METTL27: variants seen among roughly 807,000 people sequenced by gnomAD.
METTL27 encodes methyltransferase like 27, also known as methyltransferase-like protein 27.
A neutral mutation model predicts 24.5 loss-of-function variants in METTL27; 29 were observed. The ratio of observed to expected loss-of-function variants is 1.18; its 90% CI spans 0.88 to 1.61. The LOEUF (loss-of-function observed/expected upper bound fraction) is 1.61. Among genes scored for constraint, METTL27 ranks in the 40% most tolerant of loss-of-function variants. The pLI, the probability that METTL27 is intolerant of heterozygous loss-of-function variation, is 0.00. For missense variants in METTL27, 341 were observed against 324.3 expected, an observed-to-expected ratio of 1.05 and a Z score of -0.40; for synonymous variants, 138 against 146.8, an observed-to-expected ratio of 0.94 and a Z score of 0.43.
intron 4 of METTL27, 104 bp downstream of exon 4, chr7:73,840,310 G>T: frequency 6.6e-7 from 1 of 1,521,692 alleles, no homozygotes; most frequent in South Asian, 1.3e-5. Context: ...GTGCAGGGTT[G>T]AGTGAGGGAC....
intron 4 of METTL27, 78 bp downstream of exon 4, chr7:73,840,336 G>A: frequency 6.5e-7 from 1 of 1,541,264 alleles, no homozygotes; most frequent in Non-Finnish European, 8.8e-7. Flanking sequence ...GCTTAGTGTG[G>A]GAGAGGGATG....
intron 5 of METTL27, among the ~76,000 whole-genome samples, chr7:73,837,316 A>T (rs9690873): frequency 1.4e-5 from 1 of 72,404 alleles, no homozygotes; most frequent in African/African-American, 4.9e-5. Flanking sequence ...TTTAAAAAAA[A>T]TAAAAAAAAA....
At chr7:73,836,895 G>C (rs1788223094) in intron 5 of METTL27, among the ~76,000 whole-genome samples, 1 of 113,904 alleles carries the variant, frequency 8.8e-6, no homozygotes, top group South Asian at 2.9e-4. Flanking sequence ...TGTCTGTGTA[G>C]AAAGAAGTAG....
At chr7:73,838,720 G>A (rs563833561) in intron 5 of METTL27, among the ~76,000 whole-genome samples, 9 of 152,280 alleles carry the variant, frequency 5.9e-5, no homozygotes, top group South Asian at 2.1e-4. Flanking sequence ...GCCCAACTTC[G>A]ACCTTTCCAG....
Position 73,842,142 on chromosome 7 carries a change from C to T in METTL27, c.-2G>A. On this transcript the variant is annotated splice_region_variant and 5_prime_UTR_variant, in exon 2 of 6. Transcript: ENST00000297873. ...GCTCCCACCCTCCTCCTGGGCCATG[C>T]TCCTGTGGGGACACCGTTGCCCTGT... is the stretch of plus-strand genomic sequence containing the variant. 6.2e-7 allele frequency: 1 copy of T among 1,608,878 alleles called. No homozygotes were observed. The highest frequency in any genetic ancestry group is 1.1e-5 in the South Asian group (1 of 90,974).
rs1788369040 is a variant in METTL27, at chr7:73,841,873, G to A, written c.123+145C>T. Reference sequence around the variant, plus strand: ...CTGCCAATCCAGAGCTGTGGGGCGGGTTCTGGAAGGGGCAGGACTGTAGGG... The same window carrying A: ...CTGCCAATCCAGAGCTGTGGGGCGGATTCTGGAAGGGGCAGGACTGTAGGG... On this transcript the variant is annotated intron_variant, in intron 2 of 5. Coordinates refer to ENST00000297873, the MANE Select transcript of METTL27 (RefSeq NM_152559.3). 7.3e-6 allele frequency: 10 copies of A among 1,365,458 alleles called. No homozygotes were observed. In the Admixed American group the frequency reaches 1.0e-4, roughly 14 times the overall value. 84.6% of individuals were successfully genotyped at this position (1,365,458 alleles called of 1,614,324 possible).
chr7:73,842,337 G>T (rs1490442411), intron 1 of METTL27, among the ~76,000 whole-genome samples, 153 bp downstream of exon 1: 12 of 152,136 alleles, frequency 7.9e-5, no homozygotes, highest in Non-Finnish European at 1.8e-4. Context: ...TGGGGCTGCA[G>T]GGCTGGGGGA....
At chr7:73,838,650 G>T (rs4304218) in intron 5 of METTL27, among the ~76,000 whole-genome samples, 4 of 151,960 alleles carry the variant, frequency 2.6e-5, no homozygotes, top group African/African-American at 9.7e-5. Flanking sequence ...GCAAGCACAG[G>T]TTGGGCTAGG....
rs1481971672 is a variant in METTL27 at position 73,842,214 on chromosome 7, C to A, written c.-4-70G>T. ...CCATCCCCTCCTTTCCCCCTTCCCT[C>A]CTCCCCCTTCAGAGGAGGCTGCCAG... is the stretch of plus-strand genomic sequence containing the variant. On this transcript the variant is annotated intron_variant, in intron 1 of 5. Transcript: ENST00000297873. The A allele has an allele frequency of 7.8e-6, 12 of 1,533,246 alleles. No individual in the cohort carries two copies. The East Asian group carries it at 2.3e-4, about 29-fold the overall frequency. 95.0% of individuals were successfully genotyped at this position (1,533,246 alleles called of 1,614,324 possible). A position where few individuals can be genotyped will look rare whatever the true frequency, so the allele number is the denominator to read the frequency against.
At chr7:73,841,229 G>T (rs372780103) in intron 2 of METTL27, 31 bp from the exon 3 acceptor site, 8 of 1,547,470 alleles carry the variant, frequency 5.2e-6, no homozygotes, top group Non-Finnish European at 6.1e-6. Flanking sequence ...CTACAACACC[G>T]GTGCCCCAGT....
At chr7:73,841,467 A>G (rs1342930672) in intron 2 of METTL27, among the ~76,000 whole-genome samples, 2 of 144,316 alleles carry the variant, frequency 1.4e-5, no homozygotes, top group African/African-American at 5.2e-5. Flanking sequence ...CTGAGTCCAC[A>G]TGACTTTTTT....
chr7:73,834,651 C>T lies in METTL27; in HGVS notation c.*92G>A. 1 of 1,194,090 alleles carries T rather than the reference C, an allele frequency of 8.4e-7. No individual in the cohort carries two copies. Among genetic ancestry groups the T allele is most frequent in the South Asian group, 1.5e-5 (1 of 68,402 alleles). The allele number at this position is 1,194,090 out of a possible 1,614,324, so 74.0% of individuals were successfully genotyped here. A position where few individuals can be genotyped will look rare whatever the true frequency, so the allele number is the denominator to read the frequency against. ...GAGGGGCAGGGTTGGTTCGGAGGTC[C>T]CATTTTACAGGGGAGGCAGAGGAGG... On this transcript the variant is annotated 3_prime_UTR_variant, in exon 6 of 6. Coordinates refer to ENST00000297873, the MANE Select transcript of METTL27 (RefSeq NM_152559.3).
Position 73,834,707 on chromosome 7 carries a change from G to T in METTL27, c.*36C>A. The T allele has an allele frequency of 1.3e-6, 2 of 1,586,412 alleles. No homozygotes were observed. Among genetic ancestry groups the T allele is most frequent in the South Asian group, 1.1e-5 (1 of 88,526 alleles). ...CAGATGGGCCCAGCTAAGGCCACAT[G>T]GAGTCAGGGGCCAGCTGGGGGCTGG... On this transcript the variant is annotated 3_prime_UTR_variant, in exon 6 of 6. Transcript: ENST00000297873.
rs141564951 is a variant in METTL27, at chr7:73,841,118, A to C, written c.204T>G (p.Ser68Arg). The C allele has an allele frequency of 3.9e-6, 6 of 1,534,576 alleles. No homozygotes were observed. Among genetic ancestry groups the C allele is most frequent in the Non-Finnish European group, 5.2e-6 (6 of 1,151,408 alleles). ...CACAGGCCACGTCCAGGATCAGGGC[A>C]CTGTGGGGCGGGCCTGGAAGGGCTT... is the stretch of plus-strand genomic sequence containing the variant. Reference protein sequence around the residue: ...LTQALPGPPHSALILDVACGT... With the variant: ...LTQALPGPPHRALILDVACGT... The change falls in exon 3 of 6, where the codon AGT becomes AGG. Residue 68 changes from serine to arginine, a missense_variant. Transcript: ENST00000297873.
chr7:73,841,288 G>C, intron 2 of METTL27, 90 bp from the exon 3 acceptor site: 2 of 1,485,694 alleles, frequency 1.3e-6, no homozygotes, highest in Non-Finnish European at 8.9e-7. Flanking sequence ...GCCAGGCTAA[G>C]CTGTGTGTGT....
In METTL27 at chr7:73,834,893, C is replaced by T. The variant is rs1788117775; in HGVS notation, c.588G>A (p.Leu196=). 1 of 1,614,056 alleles carries T rather than the reference C, an allele frequency of 6.2e-7. No homozygotes were observed. Among genetic ancestry groups the T allele is most frequent in the Non-Finnish European group, 8.5e-7 (1 of 1,180,016 alleles). The change falls in exon 6 of 6, where the codon CTG becomes CTA. Residue 196 remains leucine, a synonymous_variant. Coordinates refer to ENST00000297873, the MANE Select transcript of METTL27 (RefSeq NM_152559.3). ...RLEQAGMWEG[L]VAWPVDRLWT... ...ACAGGCGGTCCACAGGCCAGGCCAC[C>T]AGGCCTTCCCACATCCCAGCCTGCT...
rs1403400610 is a variant in METTL27 at position 73,835,939 on chromosome 7, G to GCAA, written c.479-938_479-937insTTG. On this transcript the variant is annotated intron_variant, in intron 5 of 5. Transcript: ENST00000297873. ...GGGAGGTGAGGAGCATCTCTGCCCG[G>GCAA]CCGCCCCGTCTGAGAAGTGAGGAGC... Among the ~76,000 whole-genome samples the GCAA allele has an allele frequency of 5.4e-4, 82 of 151,194 alleles. No individual in the cohort carries two copies. The South Asian group carries it at 0.017, about 31-fold the overall frequency.
chr7:73,841,257 T>C, intron 2 of METTL27, 59 bp from the exon 3 acceptor site: 2 of 1,526,030 alleles, frequency 1.3e-6, no homozygotes, highest in Non-Finnish European at 1.7e-6. Flanking sequence ...GGATCTCCCT[T>C]ATGGGGTGGT....
chr7:73,837,491 A>G (rs1227166131), intron 5 of METTL27, among the ~76,000 whole-genome samples: 1 of 149,958 alleles, frequency 6.7e-6, no homozygotes, highest in Non-Finnish European at 1.5e-5. Context: ...AAAAAAAAAA[A>G]AGAAAAAGAA....
Sources: gnomAD v4.1 joint callset for allele counts (sites outside exome capture counted in the v4.1 genomes callset) on GRCh38, gnomAD v4.1.1 for gene constraint, MANE v1.5 for transcripts, NCBI Gene and HGNC (gene_info 2026-07-23, HGNC 2026-07-21) for gene names.